ZNF701: variants seen among roughly 807,000 people sequenced by gnomAD.
ZNF701 encodes zinc finger protein 701.
In ZNF701, 6 loss-of-function variants were observed where a neutral mutation model predicts 7.1. The ratio of observed to expected loss-of-function variants is 0.84; its 90% CI spans 0.46 to 1.66. The LOEUF is 1.66. Among genes scored for constraint, ZNF701 ranks in the 40% most tolerant of loss-of-function variants. The pLI is 0.01. For synonymous variants in ZNF701, 166 were observed against 188.2 expected, an observed-to-expected ratio of 0.88 and a Z score of 0.97; for missense variants, 541 against 559.2, an observed-to-expected ratio of 0.97 and a Z score of 0.33.
intron 3 of ZNF701, among the ~76,000 whole-genome samples, chr19:52,577,797 C>T (rs2059945234): frequency 6.6e-6 from 1 of 152,098 alleles, no homozygotes; most frequent in South Asian, 2.1e-4. Flanking sequence ...GTATCCAGGC[C>T]TGCCCGCAGT....
chr19:52,589,533 G>A (rs2060028581), downstream of ZNF701, among the ~76,000 whole-genome samples: 1 of 148,204 alleles, frequency 6.7e-6, no homozygotes. Flanking sequence ...AGGCTGGAGT[G>A]TAATGGCACG....
chr19:52,591,734 T>C (rs764125745), downstream of ZNF701, among the ~76,000 whole-genome samples: 45 of 152,142 alleles, frequency 3.0e-4, no homozygotes, highest in Non-Finnish European at 5.4e-4. Context: ...TTTTGTACTT[T>C]TAGTAGAGAT....
the ZNF701 span, chr19:52,596,332 G>C: frequency 2.5e-6 from 1 of 401,584 alleles, no homozygotes; most frequent in Non-Finnish European, 5.0e-6. Flanking sequence ...CATCCCTTCA[G>C]TGTCATCATA....
intron 3 of ZNF701, among the ~76,000 whole-genome samples, chr19:52,577,399 G>A (rs545685195): frequency 4.1e-4 from 63 of 152,280 alleles, no homozygotes; most frequent in Non-Finnish European, 8.2e-4. Flanking sequence ...CAAGGCAAGA[G>A]ACTGAAGGCA....
rs375965407 is a variant in ZNF701, at chr19:52,577,713, C to T, written c.142+1692C>T. On this transcript the variant is annotated intron_variant, in intron 3 of 3. Transcript: ENST00000391785. ...AAGGCACCCGTTACTTAGCAGACCG[C>T]GAAAGGGGGTCTCCTTTCCTTGGAG... 2.6e-5 allele frequency among the ~76,000 whole-genome samples: 4 copies of T among 151,932 alleles called. No homozygotes were observed. In the East Asian group the frequency reaches 5.8e-4, roughly 22 times the overall value.
intron 3 of ZNF701, among the ~76,000 whole-genome samples, chr19:52,579,170 A>T (rs1240670310): frequency 1.4e-5 from 2 of 143,912 alleles, no homozygotes; most frequent in Admixed American, 6.7e-5. Flanking sequence ...TTCCGACAAA[A>T]ATAAAAAAAG....
At chr19:52,596,465 T>A in the ZNF701 span, 1 of 440,708 alleles carries the variant, frequency 2.3e-6, no homozygotes, top group South Asian at 1.7e-5. Context: ...ACGTAAGGTT[T>A]GTGACAAGGC....
At chr19:52,571,994 T>C (rs1165757534) in intron 1 of ZNF701, among the ~76,000 whole-genome samples, 1 of 152,064 alleles carries the variant, frequency 6.6e-6, no homozygotes, top group African/African-American at 2.4e-5. Context: ...AGGCTAATTT[T>C]GTATTTTTAG....
intron 3 of ZNF701, among the ~76,000 whole-genome samples, chr19:52,576,397 C>G (rs1239003295): frequency 6.6e-6 from 1 of 151,936 alleles, no homozygotes; most frequent in Non-Finnish European, 1.5e-5. Context: ...AAAAATTAGC[C>G]GGGCGTCGTG....
chr19:52,597,922 C>A, the ZNF701 span: 1 of 159,104 alleles, frequency 6.3e-6, no homozygotes, highest in Non-Finnish European at 1.4e-5. Context: ...TTCTGATGTG[C>A]CGTGATATTA....
intron 1 of ZNF701, among the ~76,000 whole-genome samples, chr19:52,572,870 A>G (rs1392426341): frequency 2.0e-5 from 3 of 152,104 alleles, no homozygotes; most frequent in Non-Finnish European, 4.4e-5. Flanking sequence ...CCAAACATCA[A>G]AACCCTTCCC....
chr19:52,593,949 T>G, the ZNF701 span: 1 of 129,878 alleles, frequency 7.7e-6, no homozygotes, highest in South Asian at 1.4e-4. Context: ...CTCGGCACTT[T>G]GGGAGGCCAA....
intron 3 of ZNF701, among the ~76,000 whole-genome samples, chr19:52,580,457 C>T (rs1005169143): frequency 6.6e-6 from 1 of 152,038 alleles, no homozygotes; most frequent in Admixed American, 6.5e-5. Flanking sequence ...GAACTTCTGA[C>T]CTCATGATTC....
chr19:52,596,879 C>A, the ZNF701 span: 1 of 553,422 alleles, frequency 1.8e-6, no homozygotes, highest in Non-Finnish European at 3.7e-6. Context: ...AACAATCAAA[C>A]CTTGCACAAC....
At chr19:52,572,374 T>C in intron 1 of ZNF701, 2 of 1,288,998 alleles carry the variant, frequency 1.6e-6, no homozygotes, top group Non-Finnish European at 2.0e-6. Flanking sequence ...TGAAGGTAAC[T>C]AGCTGTGTCT....
chr19:52,596,967 T>G, the ZNF701 span: 1 of 772,536 alleles, frequency 1.3e-6, no homozygotes, highest in Non-Finnish European at 2.2e-6. Context: ...GTCGTCACTT[T>G]TTTATCATCA....
the ZNF701 span, among the ~76,000 whole-genome samples, chr19:52,594,842 G>A: frequency 6.6e-6 from 1 of 152,178 alleles, no homozygotes; most frequent in Non-Finnish European, 1.5e-5. Context: ...CATCACAGAA[G>A]CATCTTTCAC....
At position 52,582,441 on chromosome 19, in the gene ZNF701, C is replaced by T; in HGVS notation, c.382C>T (p.Gln128Ter). 1 of 1,614,164 alleles carries T rather than the reference C, an allele frequency of 6.2e-7. No homozygotes were observed. The highest frequency in any genetic ancestry group is 8.5e-7 in the Non-Finnish European group (1 of 1,180,016). ...KLMSSTERHD[Q>*]RHAGNKPIKN... ...GATGAGTAGTACAGAGCGACATGAT[C>T]AAAGGCATGCTGGAAACAAACCTAT... Residue 128 changes from glutamine (Q) to a stop codon, truncating the protein, a stop_gained, in exon 4 of 4, where the codon CAA (glutamine) becomes TAA (stop). Transcript: ENST00000391785. LOFTEE classifies it low-confidence loss of function (END_TRUNC).
chr19:52,582,485 A>C lies in ZNF701; in HGVS notation c.426A>C (p.Ser142=), dbSNP rs770833895. Reference sequence around the variant, plus strand: ...AACCTATTAAAAATGAGCTTGGATCAAGCTTTCATTCGCATCTGCCTGAAG... The same window carrying C: ...AACCTATTAAAAATGAGCTTGGATCCAGCTTTCATTCGCATCTGCCTGAAG... ...GNKPIKNELG[S]SFHSHLPEVH... is the part of the protein sequence containing the mutation. Residue 142 remains serine, a synonymous_variant, in exon 4 of 4, where the codon TCA becomes TCC. Coordinates refer to ENST00000391785, the MANE Select transcript of ZNF701 (RefSeq NM_018260.3). 1 of 1,614,228 alleles carries C rather than the reference A, an allele frequency of 6.2e-7. No individual in the cohort carries two copies. Among genetic ancestry groups the C allele is most frequent in the Non-Finnish European group, 8.5e-7 (1 of 1,180,040 alleles).
Sources: gnomAD v4.1 joint callset for allele counts (sites outside exome capture counted in the v4.1 genomes callset) on GRCh38, gnomAD v4.1.1 for gene constraint, MANE v1.5 for transcripts, NCBI Gene and HGNC (gene_info 2026-07-23, HGNC 2026-07-21) for gene names.